Variants in BICRAL observed in about 807,000 individuals in gnomAD.
The protein encoded by BICRAL is BRD4-interacting chromatin-remodeling complex-associated protein-like.
BICRAL carries 8 observed loss-of-function variants against 91.8 expected under a neutral mutation model. The ratio of observed to expected loss-of-function variants is 0.09; its 90% CI spans 0.05 to 0.16. The LOEUF (loss-of-function observed/expected upper bound fraction) is 0.16, where lower values mean the gene tolerates loss of function less well. Among genes scored for constraint, BICRAL ranks in the 10% least tolerant of loss-of-function variants. BICRAL has a pLI of 1.00. For missense variants in BICRAL, 1,038 were observed against 1,310.9 expected (o/e 0.79, Z 3.21); for synonymous variants, 445 against 491.1 (o/e 0.91, Z 1.24).
At chr6:42,754,653 A>G (rs1762433974) in intron 1 of BICRAL, among the ~76,000 whole-genome samples, 1 of 152,230 alleles carries the variant, frequency 6.6e-6, no homozygotes, top group African/African-American at 2.4e-5. Flanking sequence ...GCACTTTGGA[A>G]GGCTGGGGCA....
intron 11 of BICRAL, among the ~76,000 whole-genome samples, chr6:42,862,223 G>C (rs995948291): frequency 6.6e-6 from 1 of 151,814 alleles, no homozygotes; most frequent in African/African-American, 2.4e-5. Context: ...ACAAAATAAA[G>C]AAGTATATTT....
chr6:42,865,061 A>G lies in BICRAL; in HGVS notation c.2855A>G (p.Glu952Gly), dbSNP rs1423187287. 5.0e-6 allele frequency: 8 copies of G among 1,614,170 alleles called. No individual in the cohort carries two copies. Among genetic ancestry groups the G allele is most frequent in the Middle Eastern group, 3.3e-4 (2 of 6,062 alleles). ...KTSSRSDHGTESKLSSILADS... is the reference protein window; with the variant it reads ...KTSSRSDHGTGSKLSSILADS... ...TCATCCAGATCGGATCATGGTACTG[A>G]GAGCAAACTGTCAAGCATCCTAGCA... Residue 952 changes from glutamate (E) to glycine (G), a missense_variant, in exon 13 of 13, where the codon GAG (glutamate) becomes GGG (glycine). Around this residue, in one of 5 missense-constraint regions of BICRAL, gnomAD observed 294 missense variants for 292.6 expected, o/e 1.00. Coordinates refer to ENST00000314073, the MANE Select transcript of BICRAL (RefSeq NM_001393499.1).
chr6:42,770,663 GC>G (rs1258271125), intron 1 of BICRAL, among the ~76,000 whole-genome samples: 1 of 151,410 alleles, frequency 6.6e-6, no homozygotes, highest in Non-Finnish European at 1.5e-5. Context: ...TGATCCACCC[GC>G]CTCGGCCTCC....
At chr6:42,791,415 T>C (rs1763268982) in intron 1 of BICRAL, among the ~76,000 whole-genome samples, 1 of 152,138 alleles carries the variant, frequency 6.6e-6, no homozygotes, top group Non-Finnish European at 1.5e-5. Flanking sequence ...AGTCTGAGAA[T>C]GTGAGAGAAT....
At chr6:42,828,196 G>A (rs1057488947) in intron 5 of BICRAL, among the ~76,000 whole-genome samples, 1 of 151,994 alleles carries the variant, frequency 6.6e-6, no homozygotes, top group South Asian at 2.1e-4. Context: ...GGCAGATCAT[G>A]AGGTCAGGAG....
intron 1 of BICRAL, among the ~76,000 whole-genome samples, chr6:42,756,511 G>T (rs1163391594): frequency 6.6e-6 from 1 of 151,900 alleles, no homozygotes; most frequent in Non-Finnish European, 1.5e-5. Context: ...TCCTCCCTCT[G>T]CCTCTCTCTT....
intron 5 of BICRAL, among the ~76,000 whole-genome samples, chr6:42,827,996 A>G (rs1582850098): frequency 2.0e-5 from 3 of 152,370 alleles, no homozygotes; most frequent in Admixed American, 2.0e-4. Flanking sequence ...ATAATTTATC[A>G]GCATGATGGA....
At chr6:42,783,514 A>G (rs1763001334) in intron 1 of BICRAL, among the ~76,000 whole-genome samples, 1 of 151,860 alleles carries the variant, frequency 6.6e-6, no homozygotes, top group South Asian at 2.1e-4. Context: ...GGCGGGCGCC[A>G]TCTTTCTCGC....
chr6:42,782,821 G>C (rs1762959881), intron 1 of BICRAL, among the ~76,000 whole-genome samples: 1 of 152,122 alleles, frequency 6.6e-6, no homozygotes, highest in Non-Finnish European at 1.5e-5. Flanking sequence ...CAGGGGGCAG[G>C]GAGGGCCTGG....
intron 1 of BICRAL, among the ~76,000 whole-genome samples, chr6:42,784,252 C>G (rs530924948): frequency 4.3e-4 from 66 of 152,210 alleles, no homozygotes; most frequent in African/African-American, 1.3e-3. Flanking sequence ...AGCAAAACTG[C>G]ATTATTAAAA....
chr6:42,807,695 A>G (rs549488440), intron 1 of BICRAL, among the ~76,000 whole-genome samples: 2 of 151,290 alleles, frequency 1.3e-5, no homozygotes, highest in African/African-American at 4.8e-5. Context: ...AGTCCCAGCT[A>G]CTCGGTAGGC....
chr6:42,816,195 C>CAA (rs1200144350), intron 2 of BICRAL, among the ~76,000 whole-genome samples: 1 of 134,566 alleles, frequency 7.4e-6, no homozygotes, highest in East Asian at 2.1e-4. Flanking sequence ...TCGTCTCTAC[C>CAA]AAAAAAAAAT....
At chr6:42,814,519 A>ATATTTTT (rs1237976324) in intron 2 of BICRAL, among the ~76,000 whole-genome samples, 1 of 80,212 alleles carries the variant, frequency 1.2e-5, no homozygotes, top group African/African-American at 6.6e-5. Flanking sequence ...ATATATATAT[A>ATATTTTT]TTTTTTTTTT....
chr6:42,766,152 T>C (rs1762629751), intron 1 of BICRAL, among the ~76,000 whole-genome samples: 1 of 152,174 alleles, frequency 6.6e-6, no homozygotes. Flanking sequence ...AGCCTTCCGG[T>C]ACTTTTTCAT....
chr6:42,862,680 C>A, intron 12 of BICRAL, 68 bp downstream of exon 12: 1 of 945,556 alleles, frequency 1.1e-6, no homozygotes, highest in Non-Finnish European at 1.7e-6. Flanking sequence ...GGGCCTTTGG[C>A]AGTCTGTCTG....
chr6:42,822,037 T>A lies in BICRAL; in HGVS notation c.15T>A (p.Asp5Glu), dbSNP rs1258567463. ...TTATAGTTGTCATGGATGATGATGA[T>A]GACTCGTGTCTCCTTGATCTTATTG... MDDD[D>E]DSCLLDLIGD... The change falls in exon 3 of 13, where the codon GAT (aspartate) becomes GAA (glutamate). Residue 5 changes from aspartate to glutamate, a missense_variant. Physicochemically the swap from Asp to Glu is conservative, Grantham distance 45. Transcript: ENST00000314073. 6.2e-7 allele frequency: 1 copy of A among 1,608,048 alleles called. No homozygotes were observed. Among genetic ancestry groups the A allele is most frequent in the Non-Finnish European group, 8.5e-7 (1 of 1,174,996 alleles).
At chr6:42,786,167 C>CT (rs1434295593) in intron 1 of BICRAL, among the ~76,000 whole-genome samples, 1 of 152,162 alleles carries the variant, frequency 6.6e-6, no homozygotes, top group Non-Finnish European at 1.5e-5. Context: ...TTATTTTGTG[C>CT]TTTCTCTTGT....
intron 10 of BICRAL, among the ~76,000 whole-genome samples, chr6:42,857,614 A>AAAAAAAAAAAATATATAT: frequency 3.1e-5 from 3 of 96,222 alleles, no homozygotes; most frequent in African/African-American, 1.3e-4. Flanking sequence ...AAAAAAAAAA[A>AAAAAAAAAAAATATATAT]ATATATATAT....
Position 42,800,505 on chromosome 6 carries a change from T to G in BICRAL, c.-101-9801T>G, listed in dbSNP as rs117973269. On this transcript the variant is annotated intron_variant, in intron 1 of 12. Transcript: ENST00000314073. ...CTTAAACAAAAGCACTCTTGTTTTC[T>G]CCTTGCTAAGAAACTGATTTTGTCC... Among the ~76,000 whole-genome samples the G allele has an allele frequency of 1.1e-4, 16 of 152,224 alleles. 1 individual carries two copies. In the East Asian group the frequency reaches 2.9e-3, roughly 28 times the overall value.
Sources: gnomAD v4.1 joint callset for allele counts (sites outside exome capture counted in the v4.1 genomes callset) on GRCh38, gnomAD v4.1.1 for gene constraint, gnomAD v4.1.1 regional missense constraint, MANE v1.5 for transcripts, NCBI Gene and HGNC (gene_info 2026-07-23, HGNC 2026-07-21) for gene names.